The following LIMA1 variants were observed in gnomAD, a reference collection of about 807,000 sequenced individuals.
LIMA1 encodes LIM domain and actin binding 1.
LIMA1 carries 52 observed loss-of-function variants against 62.6 expected under a neutral mutation model. The observed-to-expected ratio is 0.83, with a 90% CI of 0.67 to 1.05. LIMA1 has a LOEUF of 1.05. Among genes scored for constraint, LIMA1 ranks in the 50% least tolerant of loss-of-function variants. LIMA1 has a pLI of 0.00. For missense variants in LIMA1, 780 were observed against 902.2 expected (o/e 0.86, Z 1.74); for synonymous variants, 302 against 317.8 (o/e 0.95, Z 0.53).
intron 8 of LIMA1, among the ~76,000 whole-genome samples, chr12:50,192,801 G>A (rs796981233): frequency 6.6e-5 from 10 of 152,300 alleles, no homozygotes; most frequent in African/African-American, 2.4e-4. Context: ...GCCACACGTA[G>A]CAGAAATCCA....
At chr12:50,273,636 C>T (rs1265225215) in intron 1 of LIMA1, among the ~76,000 whole-genome samples, 1 of 152,138 alleles carries the variant, frequency 6.6e-6, no homozygotes, top group East Asian at 1.9e-4. Context: ...ATGTCTGGTT[C>T]AACTAGATGT....
At chr12:50,203,008 C>CTTTTT (rs11292692) in intron 6 of LIMA1, among the ~76,000 whole-genome samples, 2 of 121,460 alleles carry the variant, frequency 1.6e-5, no homozygotes, top group African/African-American at 3.2e-5. Context: ...AGGTAACTTC[C>CTTTTT]TTTTTTTTTT....
At chr12:50,217,905 C>CTTTTT (rs34408114) in intron 4 of LIMA1, 197 of 124,748 alleles carry the variant, frequency 1.6e-3, no homozygotes, top group Non-Finnish European at 2.3e-3. Context: ...AATTTCTTTT[C>CTTTTT]TTTTTTTTTT....
At position 50,193,668 on chromosome 12, in the gene LIMA1, T is replaced by TATA. The variant is rs1248804824; in HGVS notation, c.1031-1108_1031-1107insTAT. ...TGTGTGTGTATATATATATATATAT[T>TATA]TTTTTTTTTTTTTTTTTTCAGAGTC... On this transcript the variant is annotated intron_variant, in intron 8 of 10. Coordinates refer to ENST00000341247, the MANE Select transcript of LIMA1 (RefSeq NM_016357.5). 6.3e-3 allele frequency among the ~76,000 whole-genome samples: 502 copies of TATA among 79,192 alleles called. 2 individuals carry two copies. The highest frequency in any genetic ancestry group is 0.027 in the African/African-American group (419 of 15,552). 52.0% of individuals were successfully genotyped at this position (79,192 alleles called of 152,430 possible).
chr12:50,193,426 T>C (rs1940824179), intron 8 of LIMA1, among the ~76,000 whole-genome samples: 1 of 148,230 alleles, frequency 6.7e-6, no homozygotes, highest in African/African-American at 2.5e-5. Context: ...ATGCTAGAAA[T>C]CCACATATAT....
intron 8 of LIMA1, among the ~76,000 whole-genome samples, chr12:50,193,650 G>GTGTATA (rs1347784875): frequency 1.2e-4 from 8 of 64,314 alleles, no homozygotes; most frequent in African/African-American, 5.0e-4. Flanking sequence ...GTGTGTGTGT[G>GTGTATA]TATATATATA....
intron 1 of LIMA1, among the ~76,000 whole-genome samples, chr12:50,252,568 C>T (rs554448256): frequency 2.7e-5 from 3 of 111,160 alleles, no homozygotes; most frequent in South Asian, 5.8e-4. Context: ...GTGACAAGAG[C>T]GAAACTGTCT....
At chr12:50,203,436 C>T (rs996958249) in intron 6 of LIMA1, among the ~76,000 whole-genome samples, 12 of 150,188 alleles carry the variant, frequency 8.0e-5, no homozygotes, top group East Asian at 8.0e-4. Flanking sequence ...TTCCTGGAGA[C>T]GGAGTCTTGC....
chr12:50,225,259 T>C (rs1941509055), intron 3 of LIMA1, among the ~76,000 whole-genome samples: 1 of 152,126 alleles, frequency 6.6e-6, no homozygotes, highest in South Asian at 2.1e-4. Context: ...ATTATTTTTC[T>C]CAATTAAAAA....
chr12:50,249,903 T>C (rs1428684206), intron 1 of LIMA1: 3 of 152,196 alleles, frequency 2.0e-5, no homozygotes, highest in Admixed American at 6.5e-5. Flanking sequence ...TGGTTGAATG[T>C]ATGGTTCATC....
At chr12:50,204,783 G>A (rs954108871) in intron 5 of LIMA1, 83 bp from the exon 6 acceptor site, 179 of 1,350,706 alleles carry the variant, frequency 1.3e-4, no homozygotes, top group African/African-American at 2.4e-4. Flanking sequence ...GCAGTGGCAC[G>A]ATCATAGCTC....
intron 2 of LIMA1, among the ~76,000 whole-genome samples, chr12:50,233,101 T>G (rs1318759559): frequency 6.6e-6 from 1 of 152,222 alleles, no homozygotes; most frequent in Non-Finnish European, 1.5e-5. Flanking sequence ...GCTATTCCAG[T>G]CATCTGCTCT....
At position 50,204,602 on chromosome 12, in the gene LIMA1, C is replaced by T. The variant is rs1941117271; in HGVS notation, c.814G>A (p.Ala272Thr). 1 of 1,614,050 alleles carries T rather than the reference C, an allele frequency of 6.2e-7. No homozygotes were observed. Among genetic ancestry groups the T allele is most frequent in the Non-Finnish European group, 8.5e-7 (1 of 1,180,036 alleles). Residue 272 changes from alanine to threonine, a missense_variant, in exon 6 of 11, where the codon GCC becomes ACC. Physicochemically the swap from Ala to Thr is moderately conservative, Grantham distance 58 (BLOSUM62 0). Coordinates refer to ENST00000341247, the MANE Select transcript of LIMA1 (RefSeq NM_016357.5). ...LSETSIKDRM[A>T]KYQAAVSKQS... ...TTGGACACAGCTGCCTGGTACTTGG[C>T]CATTCGATCCTTTATAGAGGTTTCT...
At chr12:50,255,047 C>T (rs199673568) in intron 1 of LIMA1, among the ~76,000 whole-genome samples, 2 of 149,272 alleles carry the variant, frequency 1.3e-5, no homozygotes, top group Non-Finnish European at 3.0e-5. Context: ...AAAAACAAAA[C>T]AAAAAAAAAC....
chr12:50,258,881 C>T (rs950669122), intron 1 of LIMA1, among the ~76,000 whole-genome samples: 2 of 150,326 alleles, frequency 1.3e-5, no homozygotes, highest in African/African-American at 2.4e-5. Context: ...CTCTTGACCT[C>T]GTGATCTGCC....
intron 8 of LIMA1, 106 bp downstream of exon 8, chr12:50,195,724 T>A: frequency 9.0e-7 from 1 of 1,109,818 alleles, no homozygotes; most frequent in Non-Finnish European, 1.3e-6. Flanking sequence ...AAGTAGAGGA[T>A]TTACTATGTT....
chr12:50,191,969 C>CA (rs1185250785), intron 9 of LIMA1, among the ~76,000 whole-genome samples: 2 of 150,054 alleles, frequency 1.3e-5, no homozygotes, highest in Admixed American at 6.6e-5. Flanking sequence ...CTGTCTCTAC[C>CA]AAAAAATACA....
intron 7 of LIMA1, among the ~76,000 whole-genome samples, chr12:50,200,052 C>T (rs1941011987): frequency 1.3e-5 from 2 of 151,964 alleles, no homozygotes; most frequent in Admixed American, 1.3e-4. Flanking sequence ...CACCACCATG[C>T]CCGGCTAATT....
intron 3 of LIMA1, among the ~76,000 whole-genome samples, chr12:50,223,232 C>T (rs1324817758): frequency 6.6e-6 from 1 of 151,974 alleles, no homozygotes; most frequent in Non-Finnish European, 1.5e-5. Context: ...CGCCTGTAAT[C>T]CCAGCACTTT....
Sources: allele counts gnomAD v4.1 joint callset (sites outside exome capture counted in the v4.1 genomes callset), GRCh38; gene constraint gnomAD v4.1.1; transcripts MANE v1.5; gene names NCBI Gene and HGNC (gene_info 2026-07-23, HGNC 2026-07-21).